Variants in SCFD2 observed in about 807,000 individuals in gnomAD.
The protein encoded by SCFD2 is sec1 family domain-containing protein 2.
SCFD2 carries 54 observed loss-of-function variants against 58.9 expected under a neutral mutation model. That is an observed-to-expected ratio of 0.92 (90% confidence interval 0.74 to 1.15). The LOEUF is 1.15. Ranked by LOEUF, SCFD2 falls within the 50% of genes most tolerant of loss-of-function variation. The pLI, the probability that SCFD2 is intolerant of heterozygous loss-of-function variation, is 0.00. For missense variants in SCFD2, 805 were observed against 836.6 expected, an observed-to-expected ratio of 0.96 and a Z score of 0.47; for synonymous variants, 321 against 335.9, an observed-to-expected ratio of 0.96 and a Z score of 0.49.
chr4:53,320,583 C>A (rs1449926232), intron 2 of SCFD2, among the ~76,000 whole-genome samples: 1 of 152,184 alleles, frequency 6.6e-6, no homozygotes, highest in Non-Finnish European at 1.5e-5. Flanking sequence ...CACCACTGCA[C>A]TCCAGCCTGG....
chr4:53,302,035 C>T (rs1224578172), intron 3 of SCFD2, among the ~76,000 whole-genome samples: 1 of 152,148 alleles, frequency 6.6e-6, no homozygotes, highest in Non-Finnish European at 1.5e-5. Flanking sequence ...CCTTTGAAAA[C>T]GGGCACAAGA....
intron 5 of SCFD2, among the ~76,000 whole-genome samples, chr4:52,939,307 T>C (rs1720228252): frequency 6.6e-6 from 1 of 152,250 alleles, no homozygotes; most frequent in Non-Finnish European, 1.5e-5. Context: ...CTTCTTGGTA[T>C]TGGCAATACT....
chr4:52,985,237 T>C (rs1034519399), intron 5 of SCFD2, among the ~76,000 whole-genome samples: 1 of 152,064 alleles, frequency 6.6e-6, no homozygotes, highest in Non-Finnish European at 1.5e-5. Flanking sequence ...GTATGAAGAG[T>C]GGGACATGGT....
intron 8 of SCFD2, among the ~76,000 whole-genome samples, chr4:52,876,153 C>CA (rs397739384): frequency 6.6e-6 from 1 of 151,004 alleles, no homozygotes; most frequent in African/African-American, 2.4e-5. Flanking sequence ...GGCCAGATGC[C>CA]TCCAGAAAGT....
chr4:52,885,936 C>T (rs1718730302), intron 7 of SCFD2, 70 bp from the exon 8 acceptor site: 1 of 1,585,486 alleles, frequency 6.3e-7, no homozygotes, highest in Non-Finnish European at 8.6e-7. Flanking sequence ...TGGGTACCAT[C>T]TTCATTGTCC....
intron 5 of SCFD2, among the ~76,000 whole-genome samples, chr4:53,084,386 C>T (rs1724240464): frequency 6.6e-6 from 1 of 152,096 alleles, no homozygotes; most frequent in South Asian, 2.1e-4. Flanking sequence ...GTTGACTTCC[C>T]TCATTCCATA....
In SCFD2 at chr4:52,873,085, T is replaced by G. The variant is rs1472118612; in HGVS notation, c.*884A>C. The G allele has an allele frequency of 6.6e-6, 1 of 152,168 alleles. No homozygotes were observed. Among genetic ancestry groups the G allele is most frequent in the Non-Finnish European group, 1.5e-5 (1 of 68,028 alleles). 9.4% of individuals were successfully genotyped at this position (152,168 alleles called of 1,614,324 possible). A position where few individuals can be genotyped will look rare whatever the true frequency, so the allele number is the denominator to read the frequency against. On this transcript the variant is annotated 3_prime_UTR_variant, in exon 9 of 9. Transcript: ENST00000401642. ...CAAGTGGTTCGTTTTTGCCCTGGAG[T>G]TCTTACAAAGTTTCACTAGGTGGGT...
intron 8 of SCFD2, among the ~76,000 whole-genome samples, chr4:52,879,997 G>A (rs1366099721): frequency 2.6e-5 from 4 of 152,130 alleles, no homozygotes; most frequent in Non-Finnish European, 5.9e-5. Flanking sequence ...ATGCTGTATA[G>A]GCACACGCAC....
intron 4 of SCFD2, among the ~76,000 whole-genome samples, chr4:53,150,205 G>A (rs1726464519): frequency 6.6e-6 from 1 of 152,108 alleles, no homozygotes; most frequent in African/African-American, 2.4e-5. Context: ...GAGAAGGAAG[G>A]GGAAAAGAAG....
chr4:53,170,792 G>A (rs1332256615), intron 4 of SCFD2, among the ~76,000 whole-genome samples: 1 of 151,890 alleles, frequency 6.6e-6, no homozygotes, highest in Non-Finnish European at 1.5e-5. Context: ...TATAGCTATT[G>A]TAAATGGGAT....
rs189045039 is a variant in SCFD2, at chr4:53,240,796, G to A, written c.1311+33030C>T. ...CTGCCTATGCCACAGGGCAGTGGTC[G>A]ATGGCTTCTGCTATCCAGTGCCTTG... On this transcript the variant is annotated intron_variant, in intron 4 of 8. Coordinates refer to ENST00000401642, the MANE Select transcript of SCFD2 (RefSeq NM_152540.4). 2.6e-3 allele frequency among the ~76,000 whole-genome samples: 397 copies of A among 152,338 alleles called. 1 individual carries two copies. Among genetic ancestry groups the A allele is most frequent in the Middle Eastern group, 6.8e-3 (2 of 294 alleles).
intron 2 of SCFD2, among the ~76,000 whole-genome samples, chr4:53,344,920 C>T (rs1293563354): frequency 2.0e-5 from 3 of 152,146 alleles, no homozygotes; most frequent in African/African-American, 4.8e-5. Context: ...AACTGGATCC[C>T]TTCCTTACAC....
At chr4:53,342,504 T>A (rs1214036513) in intron 2 of SCFD2, among the ~76,000 whole-genome samples, 3 of 152,116 alleles carry the variant, frequency 2.0e-5, no homozygotes, top group Admixed American at 2.0e-4. Context: ...AACACAATAA[T>A]AATGGGAGAT....
intron 5 of SCFD2, among the ~76,000 whole-genome samples, chr4:53,098,423 C>T (rs1262007615): frequency 2.0e-5 from 3 of 152,126 alleles, no homozygotes; most frequent in Non-Finnish European, 4.4e-5. Context: ...AGGAATTCAA[C>T]TTCTTTGTGG....
chr4:53,201,572 T>A (rs984335438), intron 4 of SCFD2, among the ~76,000 whole-genome samples: 7 of 152,146 alleles, frequency 4.6e-5, no homozygotes, highest in African/African-American at 1.7e-4. Context: ...ATGGTATTTC[T>A]AGTTCTAGAT....
At chr4:53,094,427 C>G (rs1724560079) in intron 5 of SCFD2, among the ~76,000 whole-genome samples, 1 of 152,090 alleles carries the variant, frequency 6.6e-6, no homozygotes, top group Non-Finnish European at 1.5e-5. Context: ...CTGTGTATAT[C>G]TGTGCCCTTA....
intron 3 of SCFD2, among the ~76,000 whole-genome samples, chr4:53,306,153 G>T (rs1258629836): frequency 6.6e-6 from 1 of 152,160 alleles, no homozygotes; most frequent in Admixed American, 6.5e-5. Flanking sequence ...GAACTGGAAA[G>T]CCCAGGATAC....
At chr4:53,194,201 T>C (rs1433264359) in intron 4 of SCFD2, among the ~76,000 whole-genome samples, 1 of 152,164 alleles carries the variant, frequency 6.6e-6, no homozygotes, top group Non-Finnish European at 1.5e-5. Flanking sequence ...TTGTCTCTTC[T>C]TCCATCAACT....
At chr4:53,070,359 T>TA (rs1329006022) in intron 5 of SCFD2, among the ~76,000 whole-genome samples, 2 of 152,014 alleles carry the variant, frequency 1.3e-5, no homozygotes, top group African/African-American at 4.8e-5. Flanking sequence ...GAAATTCAAT[T>TA]AAACTAAAAA....
Sources: gnomAD v4.1 joint callset for allele counts (sites outside exome capture counted in the v4.1 genomes callset) on GRCh38, gnomAD v4.1.1 for gene constraint, MANE v1.5 for transcripts, NCBI Gene and HGNC (gene_info 2026-07-23, HGNC 2026-07-21) for gene names.